The following EPHA6 variants were observed in gnomAD, a reference collection of about 807,000 sequenced individuals.
EPHA6 encodes the protein ephrin type-A receptor 6.
Under a neutral mutation model 112.0 loss-of-function variants are expected in EPHA6, and 50 were observed. That is an observed-to-expected ratio of 0.45 (90% CI 0.36 to 0.56). The LOEUF is 0.56. EPHA6 is among the 20% of genes least tolerant of loss of function. The pLI is 0.00. For missense variants in EPHA6, 1,280 were observed against 1,417.4 expected (o/e 0.90, Z 1.56); for synonymous variants, 529 against 490.7 (o/e 1.08, Z -1.03).
chr3:97,704,260 T>C (rs973942463), intron 14 of EPHA6, among the ~76,000 whole-genome samples: 3 of 152,078 alleles, frequency 2.0e-5, no homozygotes, highest in Non-Finnish European at 2.9e-5. Context: ...AGGAAGAAAT[T>C]AGCATTTGAA....
intron 11 of EPHA6, among the ~76,000 whole-genome samples, chr3:97,549,661 G>C (rs1304471524): frequency 6.6e-6 from 1 of 151,798 alleles, no homozygotes; most frequent in Non-Finnish European, 1.5e-5. Context: ...GAAATAAAAG[G>C]CTGGTGGGCA....
intron 7 of EPHA6, among the ~76,000 whole-genome samples, chr3:97,454,405 T>A (rs1280288575): frequency 6.6e-6 from 1 of 151,724 alleles, no homozygotes; most frequent in East Asian, 1.9e-4. Flanking sequence ...GAATGGTATG[T>A]TGCCTACCAG....
chr3:97,466,327 A>G, intron 7 of EPHA6: 1 of 1,572,912 alleles, frequency 6.4e-7, no homozygotes, highest in Non-Finnish European at 8.7e-7. Context: ...AACTATACCT[A>G]GTTTGGATAT....
At chr3:97,499,595 GTATAGCCTATTCCTTC>G (rs886731809) in intron 10 of EPHA6, among the ~76,000 whole-genome samples, 38 of 152,232 alleles carry the variant, frequency 2.5e-4, no homozygotes, top group African/African-American at 9.1e-4. Context: ...AAGCTATATG[GTATAGCCTATTCCTTC>G]TAGGCTACAA....
intron 3 of EPHA6, among the ~76,000 whole-genome samples, chr3:97,087,447 A>T (rs2046937368): frequency 1.3e-5 from 2 of 152,232 alleles, no homozygotes; most frequent in South Asian, 4.1e-4. Context: ...CTGAAAGCTG[A>T]TTTATTTTTC....
chr3:96,978,075 T>G (rs532409706), intron 2 of EPHA6, among the ~76,000 whole-genome samples: 3 of 152,202 alleles, frequency 2.0e-5, no homozygotes, highest in South Asian at 2.1e-4. Flanking sequence ...TGGAAGGATT[T>G]CTTGAGCCTG....
chr3:97,267,009 A>G (rs2079707103), intron 5 of EPHA6, among the ~76,000 whole-genome samples: 1 of 152,166 alleles, frequency 6.6e-6, no homozygotes, highest in Non-Finnish European at 1.5e-5. Flanking sequence ...TGAGATCTGT[A>G]GCCAATGTTT....
chr3:97,271,100 T>G (rs2079863408), intron 5 of EPHA6, among the ~76,000 whole-genome samples: 1 of 152,224 alleles, frequency 6.6e-6, no homozygotes, highest in Non-Finnish European at 1.5e-5. Flanking sequence ...TTGACTAATA[T>G]AATTTATATC....
intron 2 of EPHA6, among the ~76,000 whole-genome samples, chr3:96,867,751 C>T (rs1576186119): frequency 6.6e-6 from 1 of 151,714 alleles, no homozygotes. Flanking sequence ...AAATTTAAAC[C>T]TCAAAGGAGA....
intron 2 of EPHA6, among the ~76,000 whole-genome samples, chr3:96,909,834 T>C (rs968456082): frequency 6.6e-6 from 1 of 152,018 alleles, no homozygotes; most frequent in Non-Finnish European, 1.5e-5. Flanking sequence ...GAATTATAAA[T>C]GTTGGCTCGG....
intron 6 of EPHA6, among the ~76,000 whole-genome samples, chr3:97,411,435 C>T (rs1361642442): frequency 6.6e-6 from 1 of 152,050 alleles, no homozygotes; most frequent in African/African-American, 2.4e-5. Context: ...TTACAAATAT[C>T]TGCTAACTAT....
intron 5 of EPHA6, among the ~76,000 whole-genome samples, chr3:97,306,887 C>A (rs1490940714): frequency 6.7e-6 from 1 of 150,272 alleles, no homozygotes. Flanking sequence ...TTGTCACCTA[C>A]ATTTTTTTTT....
At chr3:96,990,646 G>C (rs2043180633) in intron 3 of EPHA6, among the ~76,000 whole-genome samples, 1 of 152,072 alleles carries the variant, frequency 6.6e-6, no homozygotes, top group Non-Finnish European at 1.5e-5. Context: ...AGAAATGTCA[G>C]AGTGGATGTG....
At chr3:96,994,798 G>GTA (rs753895562) in intron 3 of EPHA6, among the ~76,000 whole-genome samples, 12,596 of 136,244 alleles carry the variant, frequency 0.092, 707 homozygotes, top group African/African-American at 0.15. Context: ...ATATGTGTGT[G>GTA]TATATATATA....
At chr3:97,464,023 C>T (rs2090974592) in intron 7 of EPHA6, among the ~76,000 whole-genome samples, 1 of 152,122 alleles carries the variant, frequency 6.6e-6, no homozygotes, top group Non-Finnish European at 1.5e-5. Flanking sequence ...AGCTTTTATT[C>T]CTGATCCACA....
At chr3:97,578,391 G>T (rs1211671859) in intron 11 of EPHA6, among the ~76,000 whole-genome samples, 1 of 152,126 alleles carries the variant, frequency 6.6e-6, no homozygotes, top group African/African-American at 2.4e-5. Flanking sequence ...CCTCCTTTCA[G>T]GGATACTTCC....
At chr3:97,215,504 A>G (rs1048504740) in intron 3 of EPHA6, among the ~76,000 whole-genome samples, 18 of 152,044 alleles carry the variant, frequency 1.2e-4, no homozygotes, top group African/African-American at 3.4e-4. Flanking sequence ...CCAGCTACTC[A>G]GGAGGCTGAG....
chr3:97,280,118 A>G (rs1359349980), intron 5 of EPHA6, among the ~76,000 whole-genome samples: 1 of 152,170 alleles, frequency 6.6e-6, no homozygotes, highest in African/African-American at 2.4e-5. Context: ...TCCTGACCTA[A>G]AGTGATCCAC....
chr3:97,112,570 AG>A lies in EPHA6; in HGVS notation c.1115-113693del, dbSNP rs1247081991. ...TTTCTGTTGTATCATAAGCACATGA[AG>A]AAAGTCGATTTTGTATGTGAAGTTT... On this transcript the variant is annotated intron_variant, in intron 3 of 17. Coordinates refer to ENST00000389672, the MANE Select transcript of EPHA6 (RefSeq NM_001080448.3). Among the ~76,000 whole-genome samples, 5 of 152,228 alleles carry A rather than the reference AG, an allele frequency of 3.3e-5. No individual in the cohort carries two copies. In the East Asian group the frequency reaches 9.6e-4, roughly 29 times the overall value.
Sources: allele counts gnomAD v4.1 joint callset (sites outside exome capture counted in the v4.1 genomes callset), GRCh38; gene constraint gnomAD v4.1.1; transcripts MANE v1.5; gene names NCBI Gene and HGNC (gene_info 2026-07-23, HGNC 2026-07-21).